CLOCK: variants seen among roughly 807,000 people sequenced by gnomAD.
The protein encoded by CLOCK is circadian locomoter output cycles protein kaput.
A neutral mutation model predicts 118.4 loss-of-function variants in CLOCK; 43 were observed. The observed-to-expected ratio is 0.36, with a 90% CI of 0.28 to 0.47. The LOEUF (loss-of-function observed/expected upper bound fraction) is 0.47, where lower values mean the gene tolerates loss of function less well. Among genes scored for constraint, CLOCK ranks in the 20% least tolerant of loss-of-function variants. The pLI is 1.00. For synonymous variants in CLOCK, 326 were observed against 339.2 expected (o/e 0.96, Z 0.43); for missense variants, 846 against 999.9 (o/e 0.85, Z 2.08).
intron 1 of CLOCK, among the ~76,000 whole-genome samples, chr4:55,516,786 C>CTGT (rs1361816503): frequency 1.3e-5 from 2 of 152,072 alleles, no homozygotes; most frequent in African/African-American, 4.8e-5. Context: ...CTTTTTCTGC[C>CTGT]TGTTGTAGTT....
At chr4:55,462,259 T>C (rs113313071) in intron 9 of CLOCK, among the ~76,000 whole-genome samples, 3 of 152,364 alleles carry the variant, frequency 2.0e-5, no homozygotes, top group African/African-American at 7.2e-5. Context: ...CTCCTTTGTC[T>C]TCCTATTGCT....
At chr4:55,489,261 T>A (rs914193229) in intron 3 of CLOCK, 113 bp downstream of exon 3, 1 of 152,320 alleles carries the variant, frequency 6.6e-6, no homozygotes, top group South Asian at 2.1e-4. Context: ...CACACAAAAA[T>A]TTTTTTAAAT....
At chr4:55,449,974 C>T (rs1197644177) in intron 16 of CLOCK, 117 bp downstream of exon 16, 1 of 1,288,316 alleles carries the variant, frequency 7.8e-7, no homozygotes, top group Non-Finnish European at 1.1e-6. Flanking sequence ...TACTACATTT[C>T]AGAAATGTAA....
chr4:55,453,256 AAACCT>A, intron 14 of CLOCK, 127 bp from the exon 15 acceptor site: 1 of 774,794 alleles, frequency 1.3e-6, no homozygotes, highest in Admixed American at 2.2e-5. Flanking sequence ...TGTGCTACAC[AAACCT>A]AAAATATACC....
At chr4:55,505,335 C>G (rs2110006579) in intron 2 of CLOCK, among the ~76,000 whole-genome samples, 1 of 151,950 alleles carries the variant, frequency 6.6e-6, no homozygotes, top group Admixed American at 6.6e-5. Context: ...TTGCAATACT[C>G]TAAGTGTATT....
intron 13 of CLOCK, among the ~76,000 whole-genome samples, chr4:55,454,323 A>T (rs1049260773): frequency 5.3e-5 from 8 of 152,144 alleles, no homozygotes; most frequent in African/African-American, 1.7e-4. Flanking sequence ...AAACAAAAAA[A>T]TGGGTTTTGG....
Position 55,432,368 on chromosome 4 carries a change from A to G in CLOCK, c.*3047T>C, listed in dbSNP as rs1014158886. ...ATAACTGCAAGTCCAAAGCACGGTA[A>G]CTGCAGAGTAGCTAGCATTTTTCCT... is the stretch of plus-strand genomic sequence containing the variant. On this transcript the variant is annotated 3_prime_UTR_variant, in exon 23 of 23. Coordinates refer to ENST00000513440, the MANE Select transcript of CLOCK (RefSeq NM_004898.4). 35 of 152,082 alleles carry G rather than the reference A, an allele frequency of 2.3e-4. No individual in the cohort carries two copies. The highest frequency in any genetic ancestry group is 8.4e-4 in the African/African-American group (35 of 41,422). The allele number at this position is 152,082 out of a possible 1,614,324, so 9.4% of individuals were successfully genotyped here. A position where few individuals can be genotyped will look rare whatever the true frequency, so the allele number is the denominator to read the frequency against.
intron 8 of CLOCK, among the ~76,000 whole-genome samples, chr4:55,468,518 T>C (rs897962358): frequency 2.0e-5 from 3 of 152,216 alleles, no homozygotes; most frequent in African/African-American, 7.2e-5. Context: ...CTTCTGGTCA[T>C]ATAGATAATG....
At chr4:55,476,544 A>C (rs1289220252) in intron 6 of CLOCK, among the ~76,000 whole-genome samples, 1 of 152,194 alleles carries the variant, frequency 6.6e-6, no homozygotes, top group Middle Eastern at 3.2e-3. Flanking sequence ...TCTTCCCAAC[A>C]TTAAGTGCTC....
intron 9 of CLOCK, among the ~76,000 whole-genome samples, chr4:55,463,305 TTGAG>T (rs1725502280): frequency 6.6e-6 from 1 of 152,094 alleles, no homozygotes; most frequent in African/African-American, 2.4e-5. Context: ...TTTTTCCAGT[TTGAG>T]TGTCCAATTG....
chr4:55,482,824 T>C lies in CLOCK; in HGVS notation c.-39A>G. 1.4e-6 allele frequency: 2 copies of C among 1,473,688 alleles called. No homozygotes were observed. Among genetic ancestry groups the C allele is most frequent in the Non-Finnish European group, 1.9e-6 (2 of 1,060,468 alleles). The allele number at this position is 1,473,688 out of a possible 1,614,324, so 91.3% of individuals were successfully genotyped here. On this transcript the variant is annotated 5_prime_UTR_variant, in exon 4 of 23. Transcript: ENST00000513440. ...TTCGTCTTGTAGTAGACATTTGTACTTCTCCTTAGGTGAAAAGAAAAATAA... is the reference window on the plus strand; with the variant it reads ...TTCGTCTTGTAGTAGACATTTGTACCTCTCCTTAGGTGAAAAGAAAAATAA...
At chr4:55,448,614 G>C (rs541745689) in intron 18 of CLOCK, among the ~76,000 whole-genome samples, 165 bp downstream of exon 18, 1 of 118,998 alleles carries the variant, frequency 8.4e-6, no homozygotes, top group Non-Finnish European at 1.8e-5. Flanking sequence ...GTGTGTGTGT[G>C]TGTGTGTGTG....
rs115642564 is a variant in CLOCK at position 55,526,079 on chromosome 4, T to C, written c.-289-16014A>G. 5.6e-3 allele frequency among the ~76,000 whole-genome samples: 851 copies of C among 152,300 alleles called. 8 individuals carry two copies. Among genetic ancestry groups the C allele is most frequent in the African/African-American group, 0.02 (821 of 41,558 alleles). On this transcript the variant is annotated intron_variant, in intron 1 of 22. Coordinates refer to ENST00000513440, the MANE Select transcript of CLOCK (RefSeq NM_004898.4). ...GGATACTCAACTGAAAAGTATACTA[T>C]AAATATTCCACAATCTGAAAAAATA...
At chr4:55,491,519 A>G (rs1727692432) in intron 2 of CLOCK, among the ~76,000 whole-genome samples, 1 of 141,168 alleles carries the variant, frequency 7.1e-6, no homozygotes, top group South Asian at 2.4e-4. Flanking sequence ...AGAAATAAAA[A>G]AGTATTTTTT....
In CLOCK at chr4:55,514,502, C is replaced by CT. The variant is rs1391279625; in HGVS notation, c.-289-4438_-289-4437insA. On this transcript the variant is annotated intron_variant, in intron 1 of 22. Coordinates refer to ENST00000513440, the MANE Select transcript of CLOCK (RefSeq NM_004898.4). ...AATCTAATTTTAGAACATTTTTATC[C>CT]CCCCCCCACTTTGCTGAGCTGTAGA... Among the ~76,000 whole-genome samples, 32 of 148,008 alleles carry CT rather than the reference C, an allele frequency of 2.2e-4. 2 individuals carry two copies. The Admixed American group carries it at 2.2e-3, about 10-fold the overall frequency.
At chr4:55,531,171 A>C (rs1051102984) in intron 1 of CLOCK, among the ~76,000 whole-genome samples, 1 of 152,150 alleles carries the variant, frequency 6.6e-6, no homozygotes, top group African/African-American at 2.4e-5. Flanking sequence ...GAAGTACAAG[A>C]AGAAATAAGT....
rs771552665 is a variant in CLOCK at position 55,443,788 on chromosome 4, C to T, written c.1801G>A (p.Val601Ile). ...CTTTGAATCTGGTTAGTAGGAACAA[C>T]TTGGCCTTGCATATTTATAGGTGCA... ...QLAPINMQGQ[V>I]VPTNQIQSGM... Residue 601 changes from valine (V) to isoleucine (I), a missense_variant, in exon 20 of 23, where the codon GTT becomes ATT. Around this residue, in one of 4 missense-constraint regions of CLOCK, gnomAD observed 520 missense variants for 558.0 expected, o/e 0.93. Transcript: ENST00000513440. The T allele has an allele frequency of 5.0e-6, 8 of 1,613,934 alleles. No individual in the cohort carries two copies. In the Admixed American group the frequency reaches 1.3e-4, roughly 27 times the overall value.
chr4:55,462,061 G>A (rs1165066756), intron 9 of CLOCK, among the ~76,000 whole-genome samples: 3 of 152,122 alleles, frequency 2.0e-5, no homozygotes, highest in Admixed American at 6.5e-5. Context: ...TCTGGGGCAA[G>A]AACTCTTTTG....
At chr4:55,476,092 C>G in intron 6 of CLOCK, 38 bp from the exon 7 acceptor site, 1 of 1,337,740 alleles carries the variant, frequency 7.5e-7, no homozygotes, top group Non-Finnish European at 1.1e-6. Context: ...ATACTCCAAC[C>G]ACCGGAGGAG....
Sources: gnomAD v4.1 joint callset for allele counts (sites outside exome capture counted in the v4.1 genomes callset) on GRCh38, gnomAD v4.1.1 for gene constraint, gnomAD v4.1.1 regional missense constraint, MANE v1.5 for transcripts, NCBI Gene and HGNC (gene_info 2026-07-23, HGNC 2026-07-21) for gene names.